Variants in BMP5 observed in about 807,000 individuals in gnomAD.
The protein encoded by BMP5 is bone morphogenetic protein 5.
In BMP5, 23 loss-of-function variants were observed where a neutral mutation model predicts 46.6. The observed-to-expected ratio is 0.49, with a 90% CI of 0.35 to 0.70. The LOEUF is 0.70. BMP5 is among the 30% of genes least tolerant of loss of function. The pLI is 0.00. For missense variants in BMP5, 545 were observed against 565.6 expected, an observed-to-expected ratio of 0.96 and a Z score of 0.37; for synonymous variants, 204 against 191.9, an observed-to-expected ratio of 1.06 and a Z score of -0.52.
At chr6:55,869,092 G>GT (rs1323314641) in intron 1 of BMP5, among the ~76,000 whole-genome samples, 1 of 152,154 alleles carries the variant, frequency 6.6e-6, no homozygotes, top group African/African-American at 2.4e-5. Context: ...TTAACCTGTG[G>GT]TTTTTTAAAG....
chr6:55,836,546 G>A (rs1392692630), intron 1 of BMP5, among the ~76,000 whole-genome samples: 1 of 151,844 alleles, frequency 6.6e-6, no homozygotes, highest in African/African-American at 2.4e-5. Context: ...TGACTTTGTA[G>A]ATTGCCAGTT....
intron 2 of BMP5, among the ~76,000 whole-genome samples, chr6:55,816,256 G>A (rs1257319005): frequency 6.6e-6 from 1 of 151,940 alleles, no homozygotes; most frequent in African/African-American, 2.4e-5. Flanking sequence ...ATCATACCGA[G>A]GAAAATGGTA....
chr6:55,850,200 A>G (rs901732444), intron 1 of BMP5, among the ~76,000 whole-genome samples: 3 of 152,140 alleles, frequency 2.0e-5, no homozygotes, highest in Admixed American at 6.6e-5. Context: ...GGGATTAATC[A>G]TAGTATTTAT....
At chr6:55,770,299 C>T (rs976856830) in intron 4 of BMP5, among the ~76,000 whole-genome samples, 3 of 151,906 alleles carry the variant, frequency 2.0e-5, no homozygotes, top group Non-Finnish European at 2.9e-5. Context: ...TCAATACTTG[C>T]TGTTTCACCT....
At chr6:55,797,704 C>T (rs1293902697) in intron 2 of BMP5, among the ~76,000 whole-genome samples, 2 of 150,766 alleles carry the variant, frequency 1.3e-5, no homozygotes, top group African/African-American at 4.9e-5. Flanking sequence ...GCAAGATCCA[C>T]CTCCAGGGTT....
At chr6:55,764,030 T>C (rs1291913261) in intron 4 of BMP5, among the ~76,000 whole-genome samples, 1 of 152,178 alleles carries the variant, frequency 6.6e-6, no homozygotes, top group Non-Finnish European at 1.5e-5. Context: ...GGTGGAAATG[T>C]AAATTAATAC....
At chr6:55,784,521 A>G (rs1458424882) in intron 3 of BMP5, among the ~76,000 whole-genome samples, 2 of 151,792 alleles carry the variant, frequency 1.3e-5, no homozygotes, top group Admixed American at 6.6e-5. Flanking sequence ...AGTTCTAAAT[A>G]AAAAGATTAA....
chr6:55,756,227 G>C (rs367862898), intron 6 of BMP5, among the ~76,000 whole-genome samples: 2 of 151,878 alleles, frequency 1.3e-5, no homozygotes, highest in African/African-American at 2.4e-5. Context: ...ACTTGCCTTA[G>C]AGCAATGATT....
At chr6:55,850,393 GATC>G (rs1294044408) in intron 1 of BMP5, among the ~76,000 whole-genome samples, 17 of 92,886 alleles carry the variant, frequency 1.8e-4, no homozygotes, top group Admixed American at 3.9e-4. Context: ...TAGATAGATA[GATC>G]GATAGATATA....
At chr6:55,766,205 C>A (rs1774913276) in intron 4 of BMP5, among the ~76,000 whole-genome samples, 1 of 152,030 alleles carries the variant, frequency 6.6e-6, no homozygotes, top group Admixed American at 6.6e-5. Flanking sequence ...TTCTGCTAAC[C>A]TTTTCTAAAA....
At chr6:55,755,766 A>T (rs1438973674) in intron 6 of BMP5, 84 bp from the exon 7 acceptor site, 17 of 1,320,510 alleles carry the variant, frequency 1.3e-5, no homozygotes, top group Non-Finnish European at 1.7e-5. Flanking sequence ...TTATTTTATC[A>T]CTCATAATCA....
chr6:55,830,359 C>G (rs1285339282), intron 1 of BMP5, among the ~76,000 whole-genome samples: 1 of 152,114 alleles, frequency 6.6e-6, no homozygotes, highest in South Asian at 2.1e-4. Flanking sequence ...TTCACATGAA[C>G]AGTCTCATAT....
chr6:55,772,785 C>G (rs1474897098), intron 4 of BMP5: 1 of 984,960 alleles, frequency 1.0e-6, no homozygotes, highest in Non-Finnish European at 1.2e-6. Flanking sequence ...AATGCAATTC[C>G]ATACAGAAAT....
At chr6:55,863,355 A>G (rs913331368) in intron 1 of BMP5, among the ~76,000 whole-genome samples, 6 of 152,332 alleles carry the variant, frequency 3.9e-5, no homozygotes, top group African/African-American at 1.4e-4. Flanking sequence ...GGTGAAGAAT[A>G]TAAAAACTGT....
chr6:55,812,140 T>C (rs1055329830), intron 2 of BMP5, among the ~76,000 whole-genome samples: 2 of 152,208 alleles, frequency 1.3e-5, no homozygotes, highest in African/African-American at 4.8e-5. Context: ...GAGCAATGCC[T>C]TCTATATAGA....
intron 2 of BMP5, among the ~76,000 whole-genome samples, chr6:55,798,939 T>C (rs1775779931): frequency 6.6e-6 from 1 of 152,160 alleles, no homozygotes; most frequent in Non-Finnish European, 1.5e-5. Flanking sequence ...GGAACCAAAA[T>C]TCAGCAGAAT....
chr6:55,815,560 TTAAAA>T lies in BMP5; in HGVS notation c.683+4090_683+4094del, dbSNP rs1259903695. Among the ~76,000 whole-genome samples, 8 of 152,224 alleles carry T rather than the reference TTAAAA, an allele frequency of 5.3e-5. No homozygotes were observed. In the East Asian group the frequency reaches 1.4e-3, roughly 26 times the overall value. ...ATCTGAGAGTAGATTTAAACACATG[TTAAAA>T]TAAAGTCTTAGCCAAATTATACCAA... is the stretch of plus-strand genomic sequence containing the variant. On this transcript the variant is annotated intron_variant, in intron 2 of 6. Coordinates refer to ENST00000370830, the MANE Select transcript of BMP5 (RefSeq NM_021073.4).
chr6:55,859,077 G>C (rs1582126665), intron 1 of BMP5, among the ~76,000 whole-genome samples: 1 of 152,042 alleles, frequency 6.6e-6, no homozygotes, highest in South Asian at 2.1e-4. Context: ...TGTATATCTA[G>C]GTAACAAACC....
At chr6:55,782,822 T>C (rs1390783161) in intron 3 of BMP5, among the ~76,000 whole-genome samples, 1 of 152,118 alleles carries the variant, frequency 6.6e-6, no homozygotes, top group Non-Finnish European at 1.5e-5. Context: ...AGTTGATTTG[T>C]ATACATCTTA....
Sources: gnomAD v4.1 joint callset for allele counts (sites outside exome capture counted in the v4.1 genomes callset) on GRCh38, gnomAD v4.1.1 for gene constraint, MANE v1.5 for transcripts, NCBI Gene and HGNC (gene_info 2026-07-23, HGNC 2026-07-21) for gene names.